Variants in UNC80 observed in about 807,000 individuals in gnomAD.
UNC80 encodes unc-80 subunit of NALCN channel complex.
In UNC80, 164 loss-of-function variants were observed where a neutral mutation model predicts 384.6. The ratio of observed to expected loss-of-function variants is 0.43; its 90% CI spans 0.38 to 0.49. The LOEUF (loss-of-function observed/expected upper bound fraction) is 0.49, where lower values mean the gene tolerates loss of function less well. Ranked by LOEUF, UNC80 falls within the 20% of genes least tolerant of loss-of-function variation. UNC80 has a pLI of 0.00. For synonymous variants in UNC80, 1,486 were observed against 1,527.8 expected, an observed-to-expected ratio of 0.97 and a Z score of 0.64; for missense variants, 3,330 against 4,143.0, an observed-to-expected ratio of 0.80 and a Z score of 5.39.
chr2:209,977,081 G>C lies in UNC80; in HGVS notation c.8938+3G>C. ...AGAGGCAGTTCATAGTGGATCAGGT[G>C]AGTGTGCATGAGAGTGTTGTGAATT... is the stretch of plus-strand genomic sequence containing the variant. On this transcript the variant is annotated splice_donor_region_variant and intron_variant, in intron 58 of 64. Coordinates refer to ENST00000673920, the MANE Select transcript of UNC80 (RefSeq NM_001371986.1). 1.3e-6 allele frequency: 2 copies of C among 1,491,040 alleles called. No homozygotes were observed. The highest frequency in any genetic ancestry group is 1.8e-6 in the Non-Finnish European group (2 of 1,100,776). The allele number at this position is 1,491,040 out of a possible 1,614,324, so 92.4% of individuals were successfully genotyped here. A position where few individuals can be genotyped will look rare whatever the true frequency, so the allele number is the denominator to read the frequency against.
At chr2:209,783,153 G>A (rs990193397) in intron 4 of UNC80, among the ~76,000 whole-genome samples, 4 of 152,078 alleles carry the variant, frequency 2.6e-5, no homozygotes, top group African/African-American at 9.7e-5. Context: ...CAGATTCTCA[G>A]TGAAAGCAAG....
intron 26 of UNC80, 94 bp downstream of exon 26, chr2:209,888,354 A>G (rs2086021258): frequency 3.8e-6 from 5 of 1,303,714 alleles, no homozygotes; most frequent in East Asian, 2.5e-5. Context: ...TGTGTACCCA[A>G]ATTGTTGACT....
At chr2:209,907,291 C>CAAAAAAAAAAAAAAAAAAA (rs35210647) in intron 29 of UNC80, among the ~76,000 whole-genome samples, 1 of 68,660 alleles carries the variant, frequency 1.5e-5, no homozygotes. Flanking sequence ...CAATAATGGG[C>CAAAAAAAAAAAAAAAAAAA]AAAAAAAAAA....
intron 18 of UNC80, among the ~76,000 whole-genome samples, chr2:209,838,619 G>A (rs540066254): frequency 9.9e-5 from 15 of 152,112 alleles, no homozygotes; most frequent in Admixed American, 5.9e-4. Context: ...GGGGTGATGC[G>A]TGGGGAATGA....
chr2:209,942,213 A>G (rs1217131016), intron 44 of UNC80, among the ~76,000 whole-genome samples: 1 of 152,190 alleles, frequency 6.6e-6, no homozygotes, highest in Non-Finnish European at 1.5e-5. Context: ...GAGGTGGAAC[A>G]GTTTCATTCC....
intron 21 of UNC80, 100 bp downstream of exon 21, chr2:209,842,546 C>T (rs985303038): frequency 2.3e-6 from 2 of 879,688 alleles, no homozygotes; most frequent in Non-Finnish European, 3.5e-6. Flanking sequence ...ATTGGTTTTT[C>T]ATTCATTTCT....
At chr2:209,806,612 G>A (rs1219533935) in intron 7 of UNC80, among the ~76,000 whole-genome samples, 3 of 152,154 alleles carry the variant, frequency 2.0e-5, no homozygotes, top group Non-Finnish European at 2.9e-5. Context: ...TGTCTTTATT[G>A]GAAGAGCTCA....
chr2:209,960,991 C>T (rs552676364), intron 51 of UNC80: 2 of 152,278 alleles, frequency 1.3e-5, no homozygotes, highest in Admixed American at 6.5e-5. Flanking sequence ...ATCACATTCC[C>T]AGAGTCAGAA....
chr2:209,892,711 G>A (rs1421803861), intron 26 of UNC80, among the ~76,000 whole-genome samples: 1 of 152,256 alleles, frequency 6.6e-6, no homozygotes, highest in African/African-American at 2.4e-5. Context: ...ACATGAAATT[G>A]CACTCGTAGT....
Position 209,820,688 on chromosome 2 carries a change from G to T in UNC80, c.2331+9G>T, listed in dbSNP as rs370746956. On this transcript the variant is annotated intron_variant, in intron 13 of 64. Transcript: ENST00000673920. ...ATAAGAACCAAGAGAAGGTATGACT[G>T]AACCACCTTATGTGTCCTCATGAAA... The T allele has an allele frequency of 5.9e-6, 9 of 1,527,866 alleles. No individual in the cohort carries two copies. The African/African-American group carries it at 1.1e-4, about 19-fold the overall frequency. 94.6% of individuals were successfully genotyped at this position (1,527,866 alleles called of 1,614,324 possible).
intron 49 of UNC80, 105 bp downstream of exon 49, chr2:209,957,841 G>A (rs372303302): frequency 3.0e-6 from 3 of 991,410 alleles, no homozygotes. Context: ...TATTGAGTGT[G>A]AAAACCTCCA....
chr2:209,878,791 T>C (rs962931887), intron 24 of UNC80, among the ~76,000 whole-genome samples: 3 of 152,236 alleles, frequency 2.0e-5, no homozygotes, highest in Non-Finnish European at 4.4e-5. Context: ...ATTCCAGTTA[T>C]AGTTATGGAA....
In UNC80 at chr2:209,820,579, A is replaced by G. The variant is rs202155016; in HGVS notation, c.2231A>G (p.Glu744Gly). Residue 744 changes from glutamate to glycine, a missense_variant, in exon 13 of 65, where the codon GAA (glutamate) becomes GGA (glycine). Glu to Gly is a moderately conservative substitution (Grantham distance 98). This residue lies in a region of UNC80 where 937 missense variants were observed against 1,026.8 expected (regional missense o/e 0.91). Transcript: ENST00000673920. The part of the protein sequence containing the change: ...VSGAGDGGGE[E>G]GGGGDGGGGG... ...GGAGCTGGAGATGGTGGAGGAGAAG[A>G]AGGAGGAGGTGGAGATGGAGGAGGT... The G allele has an allele frequency of 5.8e-4, 906 of 1,550,564 alleles. 6 individuals carry two copies. In the African/African-American group the frequency reaches 0.011, roughly 20 times the overall value.
intron 56 of UNC80, among the ~76,000 whole-genome samples, chr2:209,973,536 C>A (rs1035848516): frequency 4.6e-5 from 7 of 152,152 alleles, no homozygotes; most frequent in African/African-American, 1.7e-4. Flanking sequence ...TGCCAAAAAA[C>A]AACGTGGTTT....
chr2:209,979,941 A>T (rs147256294), intron 59 of UNC80, among the ~76,000 whole-genome samples: 73 of 152,344 alleles, frequency 4.8e-4, no homozygotes, highest in African/African-American at 1.7e-3. Context: ...TTAATGTCCT[A>T]CAACAGTTGG....
chr2:209,853,777 G>C (rs970310686), intron 22 of UNC80, among the ~76,000 whole-genome samples: 1 of 151,908 alleles, frequency 6.6e-6, no homozygotes, highest in African/African-American at 2.4e-5. Context: ...TAATTTTTTG[G>C]TAATTTATTA....
chr2:209,927,065 C>T, intron 36 of UNC80, 79 bp downstream of exon 36: 6 of 1,456,164 alleles, frequency 4.1e-6, no homozygotes, highest in Non-Finnish European at 5.6e-6. Context: ...TGCTCTTAAA[C>T]ACATTATCTA....
At chr2:209,963,243 T>C (rs2092649188) in intron 51 of UNC80, among the ~76,000 whole-genome samples, 1 of 152,230 alleles carries the variant, frequency 6.6e-6, no homozygotes, top group South Asian at 2.1e-4. Context: ...CTCTCTCGTG[T>C]GTGGTCTCTA....
chr2:209,929,857 TTTCTC>T lies in UNC80; in HGVS notation c.5807-9_5807-5del. On this transcript the variant is annotated splice_polypyrimidine_tract_variant and intron_variant, in intron 36 of 64. Transcript: ENST00000673920. ...CATTAAAGACAAATGTTCAACTTTCTTTCTCTTCTGAAGTGAGTGCTGTGGCTCAA... is the reference window on the plus strand; with the variant it reads ...CATTAAAGACAAATGTTCAACTTTCTTTCTGAAGTGAGTGCTGTGGCTCAA... 1 of 1,503,032 alleles carries T rather than the reference TTTCTC, an allele frequency of 6.7e-7. No homozygotes were observed. The highest frequency in any genetic ancestry group is 8.9e-7 in the Non-Finnish European group (1 of 1,124,500). The allele number at this position is 1,503,032 out of a possible 1,614,324, so 93.1% of individuals were successfully genotyped here.
Sources: gnomAD v4.1 joint callset for allele counts (sites outside exome capture counted in the v4.1 genomes callset) on GRCh38, gnomAD v4.1.1 for gene constraint, gnomAD v4.1.1 regional missense constraint, MANE v1.5 for transcripts, NCBI Gene and HGNC (gene_info 2026-07-23, HGNC 2026-07-21) for gene names.